RHOBTB3: variants seen among roughly 807,000 people sequenced by gnomAD.
RHOBTB3 encodes the protein rho-related BTB domain-containing protein 3.
Under a neutral mutation model 67.2 loss-of-function variants are expected in RHOBTB3, and 47 were observed. That is an observed-to-expected ratio of 0.70 (90% CI 0.55 to 0.89). RHOBTB3 has a LOEUF of 0.89. Among genes scored for constraint, RHOBTB3 ranks in the 40% least tolerant of loss-of-function variants. The pLI is 0.00. For synonymous variants in RHOBTB3, 273 were observed against 274.2 expected, an observed-to-expected ratio of 1.00 and a Z score of 0.04; for missense variants, 631 against 750.0, an observed-to-expected ratio of 0.84 and a Z score of 1.85.
chr5:95,771,771 T>A (rs1745721512), intron 8 of RHOBTB3, among the ~76,000 whole-genome samples: 1 of 152,180 alleles, frequency 6.6e-6, no homozygotes, highest in African/African-American at 2.4e-5. Flanking sequence ...GAGAAAACTG[T>A]CTGTTGATGA....
intron 11 of RHOBTB3, chr5:95,789,597 A>T (rs187152201): frequency 1.2e-4 from 19 of 152,352 alleles, no homozygotes; most frequent in Non-Finnish European, 1.9e-4. Context: ...TACCTGATCA[A>T]GGAGTTTCAC....
chr5:95,782,038 TTAAG>T (rs1746063487), intron 9 of RHOBTB3: 1 of 152,214 alleles, frequency 6.6e-6, no homozygotes, highest in Non-Finnish European at 1.5e-5. Flanking sequence ...GCTGCTAATA[TTAAG>T]TTTTACCTTG....
At chr5:95,741,504 TTTTTTTTTCTTTCTTTCTG>T (rs1470519444) in intron 3 of RHOBTB3, among the ~76,000 whole-genome samples, 2 of 147,704 alleles carry the variant, frequency 1.4e-5, no homozygotes, top group Middle Eastern at 3.5e-3. Context: ...TCAATTCTCT[TTTTTTTTTCTTTCTTTCTG>T]TTTTTTTTTT....
chr5:95,775,394 A>G (rs892516248), intron 8 of RHOBTB3, among the ~76,000 whole-genome samples: 3 of 147,366 alleles, frequency 2.0e-5, no homozygotes, highest in Admixed American at 6.8e-5. Flanking sequence ...ATGTGTGTGT[A>G]TATATATATG....
chr5:95,773,141 G>A (rs532177447), intron 8 of RHOBTB3, among the ~76,000 whole-genome samples: 1 of 152,264 alleles, frequency 6.6e-6, no homozygotes, highest in Non-Finnish European at 1.5e-5. Context: ...TATTAAAAAA[G>A]AGAGATAAGC....
At chr5:95,773,951 T>G (rs1282617841) in intron 8 of RHOBTB3, among the ~76,000 whole-genome samples, 2 of 152,212 alleles carry the variant, frequency 1.3e-5, no homozygotes, top group East Asian at 1.9e-4. Flanking sequence ...AGCAGATGAC[T>G]CAGCAAATCA....
intron 7 of RHOBTB3, among the ~76,000 whole-genome samples, chr5:95,767,158 C>G (rs1170593017): frequency 6.6e-6 from 1 of 151,802 alleles, no homozygotes; most frequent in Non-Finnish European, 1.5e-5. Context: ...TTGCAGTGAG[C>G]CAATATCGCA....
At chr5:95,748,538 T>C (rs1744998171) in intron 4 of RHOBTB3, 51 bp downstream of exon 4, 4 of 1,432,076 alleles carry the variant, frequency 2.8e-6, no homozygotes, top group South Asian at 2.9e-5. Context: ...GTTGCCTCTT[T>C]AGGTATTTTG....
At position 95,731,699 on chromosome 5, in the gene RHOBTB3, C is replaced by T. The variant is rs1755261038; in HGVS notation, c.2+15C>T. 1 of 1,613,180 alleles carries T rather than the reference C, an allele frequency of 6.2e-7. No individual in the cohort carries two copies. The highest frequency in any genetic ancestry group is 1.3e-5 in the African/African-American group (1 of 74,916). ...TTTGAGATCATGTACGTACGCGCCG[C>T]CGTCCTGCCATTGTCTCTCTCCAGC... On this transcript the variant is annotated intron_variant, in intron 1 of 11. Coordinates refer to ENST00000379982, the MANE Select transcript of RHOBTB3 (RefSeq NM_014899.4).
At chr5:95,719,711 G>A (rs1195464019) in intron 1 of RHOBTB3, 1 of 152,142 alleles carries the variant, frequency 6.6e-6, no homozygotes, top group Admixed American at 6.5e-5. Context: ...GTGGCTCTTC[G>A]ATGATCCTTG....
chr5:95,787,705 A>G (rs1561457774), intron 10 of RHOBTB3, among the ~76,000 whole-genome samples: 1 of 152,244 alleles, frequency 6.6e-6, no homozygotes, highest in Admixed American at 6.5e-5. Flanking sequence ...CTGCTACAAC[A>G]TGGATGAAAC....
chr5:95,781,332 A>G (rs867336744), intron 9 of RHOBTB3: 1 of 152,210 alleles, frequency 6.6e-6, no homozygotes, highest in Admixed American at 6.5e-5. Context: ...GCAAACACAC[A>G]TTTCAAGCCA....
intron 6 of RHOBTB3, among the ~76,000 whole-genome samples, chr5:95,758,128 T>A (rs1745300018): frequency 6.6e-6 from 1 of 152,224 alleles, no homozygotes; most frequent in Non-Finnish European, 1.5e-5. Context: ...ATATCCTTTT[T>A]AACATAGTAG....
intron 3 of RHOBTB3, among the ~76,000 whole-genome samples, chr5:95,746,057 A>G (rs2112788451): frequency 6.6e-6 from 1 of 152,290 alleles, no homozygotes. Context: ...AATATGGTGT[A>G]GAAAGACTAG....
In RHOBTB3 at chr5:95,768,060, G is replaced by T. The variant is rs752581957; in HGVS notation, c.1176G>T (p.Arg392Ser). 6.2e-7 allele frequency: 1 copy of T among 1,612,966 alleles called. No homozygotes were observed. Among genetic ancestry groups the T allele is most frequent in the Non-Finnish European group, 8.5e-7 (1 of 1,179,360 alleles). Residue 392 changes from arginine (R) to serine (S), a missense_variant, in exon 8 of 12, where the codon AGG becomes AGT. By Grantham distance (110) the Arg-to-Ser change is moderately radical. Coordinates refer to ENST00000379982, the MANE Select transcript of RHOBTB3 (RefSeq NM_014899.4). ...LKTPGKINCL[R>S]NCKTYQARKP... ...TTCCCTTATAGATTAATTGCCTAAGGAATTGCAAAACCTATCAAGCCAGAA... is the reference window on the plus strand; with the variant it reads ...TTCCCTTATAGATTAATTGCCTAAGTAATTGCAAAACCTATCAAGCCAGAA...
intron 11 of RHOBTB3, among the ~76,000 whole-genome samples, chr5:95,791,736 G>A (rs1048762752): frequency 6.6e-6 from 1 of 151,882 alleles, no homozygotes; most frequent in South Asian, 2.1e-4. Context: ...AGTAGAGACG[G>A]GGTTTTGCCA....
intron 10 of RHOBTB3, among the ~76,000 whole-genome samples, chr5:95,787,868 T>C (rs1254306921): frequency 6.6e-6 from 1 of 152,246 alleles, no homozygotes. Context: ...AAACAGATTG[T>C]TTAATGGTAC....
intron 1 of RHOBTB3, among the ~76,000 whole-genome samples, chr5:95,722,163 T>C (rs1207506454): frequency 2.0e-5 from 3 of 152,230 alleles, no homozygotes; most frequent in East Asian, 1.9e-4. Context: ...TAGTACCCAA[T>C]GGATGGCCAT....
rs574874193 is a variant in RHOBTB3, at chr5:95,733,086, T to C, written c.228+1002T>C. 7.9e-5 allele frequency among the ~76,000 whole-genome samples: 12 copies of C among 152,314 alleles called. No individual in the cohort carries two copies. In the South Asian group the frequency reaches 1.0e-3, roughly 13 times the overall value. On this transcript the variant is annotated intron_variant, in intron 2 of 11. Coordinates refer to ENST00000379982, the MANE Select transcript of RHOBTB3 (RefSeq NM_014899.4). The stretch of plus-strand genomic sequence containing the variant: ...GCCATTCTAAAAAATGTGTAGAATA[T>C]ACTTGGAAAAATTTCTTATGCAAAG...
Sources: gnomAD v4.1 joint callset for allele counts (sites outside exome capture counted in the v4.1 genomes callset) on GRCh38, gnomAD v4.1.1 for gene constraint, MANE v1.5 for transcripts, NCBI Gene and HGNC (gene_info 2026-07-23, HGNC 2026-07-21) for gene names.